ADGRB3: variants seen among roughly 807,000 people sequenced by gnomAD.
ADGRB3 encodes the protein brain-specific angiogenesis inhibitor 3.
In ADGRB3, 37 loss-of-function variants were observed where a neutral mutation model predicts 193.4. That is an observed-to-expected ratio of 0.19 (90% confidence interval 0.15 to 0.25). The LOEUF is 0.25. Among genes scored for constraint, ADGRB3 ranks in the 10% least tolerant of loss-of-function variants. The pLI is 1.00. For synonymous variants in ADGRB3, 690 were observed against 644.2 expected (o/e 1.07, Z -1.08); for missense variants, 1,637 against 1,852.9 (o/e 0.88, Z 2.14).
chr6:68,798,175 A>G (rs2223724), intron 3 of ADGRB3, among the ~76,000 whole-genome samples: 115,219 of 152,086 alleles, frequency 0.76, 43,865 homozygotes, highest in Middle Eastern at 0.89. Flanking sequence ...TTATGAAAAC[A>G]GTTGGTTTAT....
intron 17 of ADGRB3, among the ~76,000 whole-genome samples, chr6:69,167,041 G>A (rs1033194775): frequency 2.6e-5 from 4 of 152,112 alleles, no homozygotes; most frequent in African/African-American, 7.2e-5. Context: ...TTGTTCTGCT[G>A]TATGTTTATT....
chr6:69,020,963 G>A (rs1770246231), intron 13 of ADGRB3, among the ~76,000 whole-genome samples: 1 of 151,888 alleles, frequency 6.6e-6, no homozygotes, highest in Non-Finnish European at 1.5e-5. Context: ...TGTTTTGTCT[G>A]ATATTTCCAA....
intron 3 of ADGRB3, among the ~76,000 whole-genome samples, chr6:68,759,004 A>G (rs1766346774): frequency 6.6e-6 from 1 of 152,182 alleles, no homozygotes; most frequent in Non-Finnish European, 1.5e-5. Context: ...GCAGGTGTCC[A>G]GAATACGAAA....
chr6:69,103,065 A>G (rs1321890896), intron 17 of ADGRB3, among the ~76,000 whole-genome samples: 1 of 152,200 alleles, frequency 6.6e-6, no homozygotes, highest in Non-Finnish European at 1.5e-5. Context: ...TACCATGGTA[A>G]TCTCAAAATT....
At chr6:69,335,339 A>T (rs1768823328) in intron 24 of ADGRB3, among the ~76,000 whole-genome samples, 1 of 152,122 alleles carries the variant, frequency 6.6e-6, no homozygotes, top group Admixed American at 6.5e-5. Context: ...TTCTAAACAT[A>T]TTCTTAGAAG....
At chr6:68,705,862 A>C (rs989328885) in intron 3 of ADGRB3, among the ~76,000 whole-genome samples, 7 of 152,184 alleles carry the variant, frequency 4.6e-5, no homozygotes, top group African/African-American at 1.4e-4. Flanking sequence ...GGGAGTCAGT[A>C]GATAGAAAAT....
At chr6:68,740,097 A>G (rs1765950836) in intron 3 of ADGRB3, among the ~76,000 whole-genome samples, 1 of 152,194 alleles carries the variant, frequency 6.6e-6, no homozygotes, top group Admixed American at 6.5e-5. Flanking sequence ...ATACTTGATT[A>G]GGCTTATATA....
At chr6:69,037,782 C>G (rs1453142979) in intron 13 of ADGRB3, among the ~76,000 whole-genome samples, 1 of 152,046 alleles carries the variant, frequency 6.6e-6, no homozygotes, top group East Asian at 1.9e-4. Context: ...GTGTCATTTT[C>G]TCAATATCTT....
intron 8 of ADGRB3, among the ~76,000 whole-genome samples, chr6:68,972,917 C>A (rs1768629385): frequency 6.6e-6 from 1 of 151,988 alleles, no homozygotes; most frequent in African/African-American, 2.4e-5. Context: ...AGACAAGGCC[C>A]AGACTGTGTG....
intron 17 of ADGRB3, among the ~76,000 whole-genome samples, chr6:69,180,505 G>A (rs1775550779): frequency 6.6e-6 from 1 of 152,020 alleles, no homozygotes; most frequent in South Asian, 2.1e-4. Flanking sequence ...TGCTTAACCA[G>A]TTGAGTTAGT....
At chr6:69,352,061 T>C (rs1426926634) in intron 26 of ADGRB3, among the ~76,000 whole-genome samples, 1 of 152,202 alleles carries the variant, frequency 6.6e-6, no homozygotes, top group Non-Finnish European at 1.5e-5. Flanking sequence ...AAAGTTAATA[T>C]GTACCTATTT....
At chr6:69,246,967 A>G (rs773319937) in intron 20 of ADGRB3, among the ~76,000 whole-genome samples, 5 of 152,126 alleles carry the variant, frequency 3.3e-5, no homozygotes, top group African/African-American at 4.8e-5. Flanking sequence ...ATTGTACAAA[A>G]GCCAGACAAT....
intron 11 of ADGRB3, among the ~76,000 whole-genome samples, chr6:69,005,374 T>A (rs3799001): frequency 1.5e-4 from 22 of 151,568 alleles, no homozygotes; most frequent in Non-Finnish European, 3.2e-4. Flanking sequence ...GAGCGTTGTA[T>A]AAAAAATTCC....
chr6:68,899,323 G>A (rs1766328072), intron 3 of ADGRB3, among the ~76,000 whole-genome samples: 1 of 151,628 alleles, frequency 6.6e-6, no homozygotes, highest in African/African-American at 2.4e-5. Flanking sequence ...TAAATTTTAG[G>A]GTACATGTGC....
chr6:69,135,309 A>G (rs1238201962), intron 17 of ADGRB3, among the ~76,000 whole-genome samples: 1 of 149,546 alleles, frequency 6.7e-6, no homozygotes, highest in Non-Finnish European at 1.5e-5. Context: ...TTTAGTGGAG[A>G]TTTTGATGCA....
intron 13 of ADGRB3, among the ~76,000 whole-genome samples, chr6:69,043,178 C>T (rs3799019): frequency 0.11 from 16,001 of 151,226 alleles, 1,725 homozygotes; most frequent in East Asian, 0.58. Flanking sequence ...AAGGCAGCCC[C>T]TTCCCTCTGG....
At chr6:69,051,396 G>T (rs1390570567) in intron 15 of ADGRB3, among the ~76,000 whole-genome samples, 1 of 152,010 alleles carries the variant, frequency 6.6e-6, no homozygotes, top group Non-Finnish European at 1.5e-5. Flanking sequence ...TTAGATTGAA[G>T]TCCTTAATAA....
chr6:69,244,141 T>C (rs897826144), intron 20 of ADGRB3, among the ~76,000 whole-genome samples: 8 of 152,186 alleles, frequency 5.3e-5, no homozygotes, highest in Non-Finnish European at 1.2e-4. Flanking sequence ...TAATGGGCTG[T>C]GTCTTTTAAT....
At chr6:69,092,041 C>T (rs978522634) in intron 17 of ADGRB3, among the ~76,000 whole-genome samples, 1 of 152,210 alleles carries the variant, frequency 6.6e-6, no homozygotes, top group South Asian at 2.1e-4. Flanking sequence ...TTTTAAGCTT[C>T]ATCAGAGATT....
Sources: allele counts gnomAD v4.1 joint callset (sites outside exome capture counted in the v4.1 genomes callset), GRCh38; gene constraint gnomAD v4.1.1; transcripts MANE v1.5; gene names NCBI Gene and HGNC (gene_info 2026-07-23, HGNC 2026-07-21).